Variants in MRAP2 observed in about 807,000 individuals in gnomAD.
MRAP2 encodes the protein melanocortin 2 receptor accessory protein 2.
A neutral mutation model predicts 17.4 loss-of-function variants in MRAP2; 20 were observed. The observed-to-expected ratio is 1.15, with a 90% CI of 0.81 to 1.67. The LOEUF is 1.67. MRAP2 is among the 40% of genes most tolerant of loss of function. MRAP2 has a pLI of 0.00. For missense variants in MRAP2, 238 were observed against 240.0 expected, an observed-to-expected ratio of 0.99 and a Z score of 0.05; for synonymous variants, 96 against 88.4, an observed-to-expected ratio of 1.09 and a Z score of -0.48.
intron 2 of MRAP2, chr6:84,061,826 ATG>A: frequency 1.0e-6 from 1 of 985,426 alleles, no homozygotes; most frequent in African/African-American, 1.7e-5. Context: ...GTTTTCTCAG[ATG>A]TCAGACATTG....
chr6:84,074,155 C>G (rs1049712947), intron 3 of MRAP2, among the ~76,000 whole-genome samples: 8 of 151,890 alleles, frequency 5.3e-5, no homozygotes, highest in Non-Finnish European at 1.0e-4. Flanking sequence ...CATGGGATAC[C>G]CAGACCCTAA....
rs1028469286 is a variant in MRAP2 at position 84,034,516 on chromosome 6, G to A, written c.-8+633G>A. On this transcript the variant is annotated intron_variant, in intron 1 of 3. Coordinates refer to ENST00000257776, the MANE Select transcript of MRAP2 (RefSeq NM_138409.4). ...CCCCCGCTCCCCCCGCCCGCCCCGC[G>A]CCCCGTGCCCCGTGCCTTTCCCATC... 1.2e-3 allele frequency among the ~76,000 whole-genome samples: 33 copies of A among 27,716 alleles called. No individual in the cohort carries two copies. The East Asian group carries it at 0.018, about 15-fold the overall frequency. 18.2% of individuals were successfully genotyped at this position (27,716 alleles called of 152,430 possible).
intron 2 of MRAP2, chr6:84,061,861 A>T (rs1382100112): frequency 1.0e-6 from 1 of 985,284 alleles, no homozygotes; most frequent in Non-Finnish European, 1.2e-6. Flanking sequence ...TATGTGTGGA[A>T]TCTCTTTTAC....
chr6:84,064,781 C>T (rs778953078), intron 3 of MRAP2, among the ~76,000 whole-genome samples: 13 of 152,172 alleles, frequency 8.5e-5, no homozygotes, highest in South Asian at 2.1e-4. Flanking sequence ...GCCACCGCGC[C>T]GGGCCGAATC....
chr6:84,089,333 A>T lies in MRAP2; in HGVS notation c.470A>T (p.Glu157Val). ...AIRSSGQPEE[E>V]LNRLMKFDIP... ...AGAAGCAGTGGGCAGCCAGAGGAGG[A>T]GCTGAACAGGCTCATGAAGTTTGAC... is the stretch of plus-strand genomic sequence containing the variant. Residue 157 changes from glutamate (E) to valine (V), a missense_variant, in exon 4 of 4, where the codon GAG becomes GTG. Glu to Val is a moderately radical substitution (Grantham distance 121, BLOSUM62 -2). Transcript: ENST00000257776. 3 of 1,614,200 alleles carry T rather than the reference A, an allele frequency of 1.9e-6. No homozygotes were observed. The South Asian group carries it at 3.3e-5, about 18-fold the overall frequency.
At chr6:84,062,434 GC>G in intron 2 of MRAP2, 1 of 622,456 alleles carries the variant, frequency 1.6e-6, no homozygotes, top group Non-Finnish European at 2.0e-6. Flanking sequence ...GATTCTGGGA[GC>G]TTCCCGGTTC....
At chr6:84,046,780 CAAAAAAAAA>C (rs756963425) in intron 1 of MRAP2, among the ~76,000 whole-genome samples, 3 of 23,150 alleles carry the variant, frequency 1.3e-4, no homozygotes, top group African/African-American at 2.8e-4. Context: ...AACTCCATCT[CAAAAAAAAA>C]AAAAAAAAAA....
chr6:84,033,634 C>T, upstream of MRAP2: 1 of 970,568 alleles, frequency 1.0e-6, no homozygotes, highest in South Asian at 4.8e-5. Flanking sequence ...TCCTCTTGGC[C>T]AAGGCGGCCT....
the MRAP2 span, among the ~76,000 whole-genome samples, chr6:84,115,873 C>T: frequency 6.6e-6 from 1 of 152,040 alleles, no homozygotes; most frequent in African/African-American, 2.4e-5. Context: ...GAGGTGAGGC[C>T]CCACCCTGCT....
intron 3 of MRAP2, among the ~76,000 whole-genome samples, chr6:84,081,782 C>G (rs2099499073): frequency 6.6e-6 from 1 of 152,160 alleles, no homozygotes; most frequent in Non-Finnish European, 1.5e-5. Flanking sequence ...CAAGCCACTG[C>G]ACTCCAGCTT....
chr6:84,052,761 C>T (rs2099490759), intron 1 of MRAP2: 1 of 982,022 alleles, frequency 1.0e-6, no homozygotes, highest in Non-Finnish European at 1.2e-6. Flanking sequence ...TTTCATTCTG[C>T]AGAATGAGAA....
At chr6:84,119,382 A>G in the MRAP2 span, among the ~76,000 whole-genome samples, 1 of 152,090 alleles carries the variant, frequency 6.6e-6, no homozygotes, top group Non-Finnish European at 1.5e-5. Context: ...CAATTATTCA[A>G]CACTCCCACT....
chr6:84,111,832 G>A, the MRAP2 span, among the ~76,000 whole-genome samples: 3,763 of 152,084 alleles, frequency 0.025, 147 homozygotes, highest in African/African-American at 0.083. Context: ...GAATTTTGTC[G>A]AAGGCCTTTT....
chr6:84,068,233 T>G (rs546091270), intron 3 of MRAP2, among the ~76,000 whole-genome samples: 2 of 152,326 alleles, frequency 1.3e-5, no homozygotes, highest in Non-Finnish European at 2.9e-5. Flanking sequence ...CTGTTCTGTT[T>G]CATTGGCCTA....
the MRAP2 span, chr6:84,125,198 TTAAC>T: frequency 6.2e-7 from 1 of 1,613,708 alleles, no homozygotes; most frequent in Non-Finnish European, 8.5e-7. Context: ...TCACGATTCT[TTAAC>T]TGTGCCAGTC....
intron 3 of MRAP2, among the ~76,000 whole-genome samples, chr6:84,069,592 G>T (rs574291940): frequency 1.3e-5 from 2 of 152,206 alleles, no homozygotes; most frequent in Admixed American, 6.5e-5. Context: ...TAGTATTGGG[G>T]TGATGCTGGC....
intron 3 of MRAP2, among the ~76,000 whole-genome samples, chr6:84,088,614 C>T (rs568272542): frequency 2.0e-5 from 3 of 152,264 alleles, no homozygotes; most frequent in East Asian, 1.9e-4. Context: ...TAATGTACCC[C>T]TATGAGACAG....
At chr6:84,086,811 C>T (rs555095603) in intron 3 of MRAP2, among the ~76,000 whole-genome samples, 1 of 152,258 alleles carries the variant, frequency 6.6e-6, no homozygotes, top group South Asian at 2.1e-4. Flanking sequence ...TTCTCTTGGT[C>T]TCTTGTGCCT....
chr6:84,129,694 T>C, the MRAP2 span, among the ~76,000 whole-genome samples: 1 of 152,192 alleles, frequency 6.6e-6, no homozygotes, highest in African/African-American at 2.4e-5. Context: ...TTTGTCAATT[T>C]TGGCTTTTGT....
Sources: gnomAD v4.1 joint callset for allele counts (sites outside exome capture counted in the v4.1 genomes callset) on GRCh38, gnomAD v4.1.1 for gene constraint, MANE v1.5 for transcripts, NCBI Gene and HGNC (gene_info 2026-07-23, HGNC 2026-07-21) for gene names.